The following NKAIN3 variants were observed in gnomAD, a reference collection of about 807,000 sequenced individuals.
The protein encoded by NKAIN3 is sodium/potassium transporting ATPase interacting 3.
NKAIN3 carries 25 observed loss-of-function variants against 30.2 expected under a neutral mutation model. The ratio of observed to expected loss-of-function variants is 0.83; its 90% confidence interval spans 0.60 to 1.16. The LOEUF (loss-of-function observed/expected upper bound fraction) is 1.16. Ranked by LOEUF, NKAIN3 falls within the 50% of genes most tolerant of loss-of-function variation. The pLI is 0.00. For missense variants in NKAIN3, 225 were observed against 254.1 expected (o/e 0.89, Z 0.78); for synonymous variants, 91 against 89.6 (o/e 1.02, Z -0.09).
At chr8:62,459,514 T>C (rs1805925519) in intron 1 of NKAIN3, among the ~76,000 whole-genome samples, 1 of 152,206 alleles carries the variant, frequency 6.6e-6, no homozygotes, top group African/African-American at 2.4e-5. Context: ...ACATGCTTGC[T>C]TTTATGCAGT....
chr8:62,898,391 G>C (rs574786914), intron 4 of NKAIN3, among the ~76,000 whole-genome samples: 23 of 152,254 alleles, frequency 1.5e-4, no homozygotes, highest in African/African-American at 5.5e-4. Context: ...CCACAAAAAA[G>C]AATGAAATAA....
At chr8:62,433,601 C>G (rs544097661) in intron 1 of NKAIN3, among the ~76,000 whole-genome samples, 2 of 151,960 alleles carry the variant, frequency 1.3e-5, no homozygotes, top group African/African-American at 4.8e-5. Context: ...CTTTATCAGA[C>G]GGTGGGATTT....
chr8:62,488,633 A>T (rs562027569), intron 1 of NKAIN3, among the ~76,000 whole-genome samples: 1 of 152,204 alleles, frequency 6.6e-6, no homozygotes, highest in South Asian at 2.1e-4. Flanking sequence ...TCCATAAAAG[A>T]CTTGTGGTAA....
intron 4 of NKAIN3, among the ~76,000 whole-genome samples, chr8:62,891,611 A>C (rs182440164): frequency 2.6e-5 from 4 of 152,278 alleles, no homozygotes; most frequent in African/African-American, 9.6e-5. Context: ...TGGTGGAAAA[A>C]TCGAGCCAGC....
intron 1 of NKAIN3, among the ~76,000 whole-genome samples, chr8:62,330,963 A>C (rs1014184900): frequency 9.3e-5 from 14 of 150,844 alleles, no homozygotes; most frequent in Admixed American, 8.6e-4. Context: ...GATGCAAATC[A>C]TTTTTCTCTA....
intron 3 of NKAIN3, among the ~76,000 whole-genome samples, chr8:62,629,619 T>C (rs1461799919): frequency 6.6e-6 from 1 of 152,148 alleles, no homozygotes; most frequent in Non-Finnish European, 1.5e-5. Flanking sequence ...TGCAAAGACA[T>C]GCATAGAATA....
At chr8:62,539,783 G>A (rs1160414029) in intron 1 of NKAIN3, among the ~76,000 whole-genome samples, 1 of 152,118 alleles carries the variant, frequency 6.6e-6, no homozygotes, top group African/African-American at 2.4e-5. Flanking sequence ...GTATCACTGT[G>A]TTGCCCAGGC....
At chr8:62,633,317 A>T (rs1812025940) in intron 3 of NKAIN3, among the ~76,000 whole-genome samples, 3 of 152,124 alleles carry the variant, frequency 2.0e-5, no homozygotes, top group Admixed American at 2.0e-4. Context: ...TTGCGTTGTT[A>T]TTGATAACCC....
chr8:62,908,780 A>G (rs1375614010), intron 4 of NKAIN3, among the ~76,000 whole-genome samples: 1 of 152,182 alleles, frequency 6.6e-6, no homozygotes, highest in Non-Finnish European at 1.5e-5. Context: ...ACCCAGTCTT[A>G]GGTATGTCTT....
rs1815594063 is a variant in NKAIN3 at position 62,734,747 on chromosome 8, CAAG to C, written c.274-12181_274-12179del. Among the ~76,000 whole-genome samples the C allele has an allele frequency of 2.6e-5, 4 of 152,264 alleles. No homozygotes were observed. The South Asian group carries it at 8.3e-4, about 32-fold the overall frequency. ...GCTGAAAGGCAAGAAAGATAAATGCCAAGAAGTCTGTGTCATATATAGTGATAT... is the reference window on the plus strand; with the variant it reads ...GCTGAAAGGCAAGAAAGATAAATGCCAAGTCTGTGTCATATATAGTGATAT... On this transcript the variant is annotated intron_variant, in intron 3 of 6. Coordinates refer to ENST00000623646, the MANE Select transcript of NKAIN3 (RefSeq NM_001304533.3).
Position 62,768,520 on chromosome 8 carries a change from T to C in NKAIN3, c.471+21391T>C, listed in dbSNP as rs117489244. 1.8e-4 allele frequency among the ~76,000 whole-genome samples: 27 copies of C among 152,226 alleles called. No homozygotes were observed. The South Asian group carries it at 1.9e-3, about 11-fold the overall frequency. ...GCCCCAAAAGTCTAAATGAGAGAGGTACAGGAGTTAAGGACATCCATCAGG... is the reference window on the plus strand; with the variant it reads ...GCCCCAAAAGTCTAAATGAGAGAGGCACAGGAGTTAAGGACATCCATCAGG... On this transcript the variant is annotated intron_variant, in intron 4 of 6. Transcript: ENST00000623646.
At chr8:62,680,228 C>T (rs1235165117) in intron 3 of NKAIN3, among the ~76,000 whole-genome samples, 3 of 152,114 alleles carry the variant, frequency 2.0e-5, no homozygotes, top group East Asian at 3.9e-4. Flanking sequence ...TAGCACTAAA[C>T]GAAATGAGCC....
chr8:62,869,961 G>C (rs887100846), intron 4 of NKAIN3, among the ~76,000 whole-genome samples: 3 of 151,638 alleles, frequency 2.0e-5, no homozygotes, highest in Admixed American at 1.3e-4. Flanking sequence ...TAGTAGAGAC[G>C]GGGTTTCGCC....
chr8:62,292,492 T>C (rs1254548115), intron 1 of NKAIN3, among the ~76,000 whole-genome samples: 6 of 152,220 alleles, frequency 3.9e-5, no homozygotes, highest in Non-Finnish European at 8.8e-5. Flanking sequence ...CCTTCACTTA[T>C]GAAGCTTAGT....
chr8:62,319,464 C>G (rs1298678371), intron 1 of NKAIN3, among the ~76,000 whole-genome samples: 3 of 151,922 alleles, frequency 2.0e-5, no homozygotes, highest in South Asian at 2.1e-4. Flanking sequence ...CTCTTGTGGG[C>G]ATTTAGTGCT....
intron 1 of NKAIN3, among the ~76,000 whole-genome samples, chr8:62,272,900 T>A (rs773793401): frequency 6.6e-6 from 1 of 152,196 alleles, no homozygotes; most frequent in Non-Finnish European, 1.5e-5. Context: ...TCACATAAAC[T>A]GTTGTCAGTC....
intron 1 of NKAIN3, among the ~76,000 whole-genome samples, chr8:62,538,101 A>C (rs1380491045): frequency 6.6e-6 from 1 of 152,166 alleles, no homozygotes; most frequent in Non-Finnish European, 1.5e-5. Flanking sequence ...GGAGCTTTGA[A>C]AAATTCTAGA....
At chr8:62,435,746 C>T (rs1182361103) in intron 1 of NKAIN3, among the ~76,000 whole-genome samples, 1 of 152,026 alleles carries the variant, frequency 6.6e-6, no homozygotes, top group African/African-American at 2.4e-5. Context: ...ATATAAAATA[C>T]AAAAGTTATT....
chr8:62,856,227 G>C, intron 4 of NKAIN3: 1 of 847,590 alleles, frequency 1.2e-6, no homozygotes, highest in Admixed American at 1.7e-5. Flanking sequence ...GTTTTCACTG[G>C]TTCATTTGTT....
Sources: gnomAD v4.1 joint callset for allele counts (sites outside exome capture counted in the v4.1 genomes callset) on GRCh38, gnomAD v4.1.1 for gene constraint, MANE v1.5 for transcripts, NCBI Gene and HGNC (gene_info 2026-07-23, HGNC 2026-07-21) for gene names.